The following FANCA variants were observed in gnomAD, a reference collection of about 807,000 sequenced individuals.
FANCA encodes the protein Fanconi anemia group A protein.
FANCA carries 236 observed loss-of-function variants against 194.3 expected under a neutral mutation model. That is an observed-to-expected ratio of 1.21 (90% CI 1.09 to 1.35). The LOEUF (loss-of-function observed/expected upper bound fraction) is 1.35, where lower values mean the gene tolerates loss of function less well. FANCA is among the 40% of genes most tolerant of loss of function. The pLI, the probability that FANCA is intolerant of heterozygous loss-of-function variation, is 0.00. For missense variants in FANCA, 2,628 were observed against 1,813.9 expected, an observed-to-expected ratio of 1.45 and a Z score of -8.15; for synonymous variants, 1,014 against 715.8, an observed-to-expected ratio of 1.42 and a Z score of -6.65.
chr16:89,816,359 A>T, intron 1 of FANCA, 178 bp downstream of exon 1: 1 of 348,864 alleles, frequency 2.9e-6, no homozygotes, highest in Non-Finnish European at 4.8e-6. Flanking sequence ...CAGGCGCAGG[A>T]GGGGCCGGGT....
chr16:89,783,566 C>G (rs1004401295), intron 15 of FANCA, among the ~76,000 whole-genome samples: 21 of 144,346 alleles, frequency 1.5e-4, no homozygotes, highest in African/African-American at 5.1e-4. Flanking sequence ...AAAAAAACAA[C>G]AAAAAAAAAA....
In FANCA at chr16:89,799,255, A is replaced by C. The variant is rs1437182519; in HGVS notation, c.827-23T>G. ...CAACTGAAGACAGAGCCAGGAACAG[A>C]AAACAGATGTCAGCACACGGCGGCA... On this transcript the variant is annotated intron_variant, in intron 9 of 42. Coordinates refer to ENST00000389301, the MANE Select transcript of FANCA (RefSeq NM_000135.4). 5 of 1,613,602 alleles carry C rather than the reference A, an allele frequency of 3.1e-6. No homozygotes were observed. In the African/African-American group the frequency reaches 6.7e-5, roughly 22 times the overall value.
At chr16:89,760,284 C>T (rs1209077886) in intron 29 of FANCA, among the ~76,000 whole-genome samples, 2 of 152,236 alleles carry the variant, frequency 1.3e-5, no homozygotes, top group Non-Finnish European at 2.9e-5. Context: ...CGACCTGAAC[C>T]ATCAGCACGT....
In FANCA at chr16:89,742,762, G is replaced by A. The variant is rs199981814; in HGVS notation, c.3765+38C>T. 4.4e-6 allele frequency: 7 copies of A among 1,606,832 alleles called. No homozygotes were observed. In the Middle Eastern group the frequency reaches 5.0e-4, roughly 115 times the overall value. ...AATAGCACTGATTGAAACCAAGCTT[G>A]CGAGAAAATAAATCAGTAAAAGAAT... On this transcript the variant is annotated intron_variant, in intron 37 of 42. Coordinates refer to ENST00000389301, the MANE Select transcript of FANCA (RefSeq NM_000135.4).
rs893264968 is a variant in FANCA at position 89,806,031 on chromosome 16, G to C, written c.597-639C>G. Among the ~76,000 whole-genome samples, 51 of 152,040 alleles carry C rather than the reference G, an allele frequency of 3.4e-4. 1 individual carries two copies. The highest frequency in any genetic ancestry group is 1.1e-3 in the African/African-American group (47 of 41,384). On this transcript the variant is annotated intron_variant, in intron 6 of 42. Coordinates refer to ENST00000389301, the MANE Select transcript of FANCA (RefSeq NM_000135.4). Reference sequence around the variant, plus strand: ...AAGTTCAAGCGATTCTCCTGCCTCAGCCTCCACAACGGCTGGGATTACAGG... The same window carrying C: ...AAGTTCAAGCGATTCTCCTGCCTCACCCTCCACAACGGCTGGGATTACAGG...
In FANCA at chr16:89,810,784, A is replaced by C. The variant is rs372814783; in HGVS notation, c.445T>G (p.Leu149Val). 2.4e-5 allele frequency: 39 copies of C among 1,613,164 alleles called. No individual in the cohort carries two copies. Among genetic ancestry groups the C allele is most frequent in the Non-Finnish European group, 3.1e-5 (37 of 1,179,166 alleles). Residue 149 changes from leucine (L) to valine (V), a missense_variant, in exon 5 of 43, where the codon TTA (leucine) becomes GTA (valine). Leu to Val is a conservative substitution (Grantham distance 32). Coordinates refer to ENST00000389301, the MANE Select transcript of FANCA (RefSeq NM_000135.4). ...VEQRKKLSSL[L>V]EFAQYLLAHS... is the part of the protein sequence containing the mutation. ...GCCAATAAATACTGAGCAAACTCTA[A>C]CAGGGAAGACAGCTTCTTCTGAAAA...
chr16:89,776,502 T>A (rs972404746), intron 20 of FANCA, among the ~76,000 whole-genome samples: 2 of 151,670 alleles, frequency 1.3e-5, no homozygotes, highest in Non-Finnish European at 2.9e-5. Context: ...TGATTAATAC[T>A]AAGAAAAACG....
At position 89,764,900 on chromosome 16, in the gene FANCA, T is replaced by G. The variant is rs769776712; in HGVS notation, c.2768A>C (p.Glu923Ala). ...GGAACGGTCACCTACGTGAACATCT[T>G]CCTCTTTCAACACCTCTCGGAAGGT... Reference protein sequence around the residue: ...HRTFREVLKEEDVHLTYQDWL... With the variant: ...HRTFREVLKEADVHLTYQDWL... The change falls in exon 28 of 43, where the codon GAA becomes GCA. Residue 923 changes from glutamate (E) to alanine (A), a missense_variant. Physicochemically the swap from Glu to Ala is moderately radical, Grantham distance 107. Coordinates refer to ENST00000389301, the MANE Select transcript of FANCA (RefSeq NM_000135.4). The G allele has an allele frequency of 1.2e-6, 2 of 1,614,010 alleles. No individual in the cohort carries two copies. Among genetic ancestry groups the G allele is most frequent in the Non-Finnish European group, 1.7e-6 (2 of 1,179,912 alleles).
chr16:89,779,807 G>A (rs2039639570), intron 18 of FANCA, 62 bp downstream of exon 18: 4 of 1,344,370 alleles, frequency 3.0e-6, no homozygotes, highest in African/African-American at 2.9e-5. Flanking sequence ...CATACTGCAG[G>A]CATCAGAGCG....
In FANCA at chr16:89,738,186, TGGGCCACCGAGCCCCTCTG is replaced by T; in HGVS notation, c.*396_*414del. The T allele has an allele frequency of 6.2e-7, 1 of 1,611,668 alleles. No individual in the cohort carries two copies. Among genetic ancestry groups the T allele is most frequent in the Non-Finnish European group, 8.5e-7 (1 of 1,179,416 alleles). ...TGCCCCTGGAGGCGGAACCACCACC[TGGGCCACCGAGCCCCTCTG>T]TGACCACAGAGGGCCAGGCGGTGAA... is the stretch of plus-strand genomic sequence containing the variant. On this transcript the variant is annotated 3_prime_UTR_variant, in exon 43 of 43. Coordinates refer to ENST00000389301, the MANE Select transcript of FANCA (RefSeq NM_000135.4).
chr16:89,748,635 G>C, intron 33 of FANCA, 24 bp downstream of exon 33: 1 of 1,574,478 alleles, frequency 6.4e-7, no homozygotes, highest in South Asian at 1.1e-5. Flanking sequence ...AGATCGGACG[G>C]ACACGTGCAC....
At chr16:89,765,552 G>A (rs1242862671) in intron 27 of FANCA, among the ~76,000 whole-genome samples, 6 of 152,268 alleles carry the variant, frequency 3.9e-5, no homozygotes, top group Non-Finnish European at 7.3e-5. Context: ...GCCTCCCAGG[G>A]GTAGGGCTGG....
At chr16:89,802,488 G>A (rs752007613) in intron 8 of FANCA, among the ~76,000 whole-genome samples, 16 of 152,058 alleles carry the variant, frequency 1.1e-4, no homozygotes, top group Non-Finnish European at 2.2e-4. Context: ...TGCAAGCTCC[G>A]CCTCCAGGTT....
In FANCA at chr16:89,746,847, GT is replaced by G; in HGVS notation, c.3391del (p.Thr1131LeufsTer9). 1 of 1,563,376 alleles carries G rather than the reference GT, an allele frequency of 6.4e-7. No individual in the cohort carries two copies. The highest frequency in any genetic ancestry group is 8.7e-7 in the Non-Finnish European group (1 of 1,152,726). ...GCATCTCACCCTGAAGAAGTGGGCA[GT>G]GATGTCCTGTGTCAGGGCACCTCCG... Reference protein sequence around the residue: ...SHGGALTQDITAHFFRGLLNA... With the variant: ...SHGGALTQDIXAHFFRGLLNA... On this transcript the variant is annotated frameshift_variant, in exon 34 of 43. Transcript: ENST00000389301. LOFTEE classifies it high-confidence loss of function.
intron 14 of FANCA, among the ~76,000 whole-genome samples, chr16:89,790,657 C>G (rs2040038744): frequency 6.6e-6 from 1 of 150,742 alleles, no homozygotes; most frequent in African/African-American, 2.4e-5. Flanking sequence ...TGAAACGGGG[C>G]AGCGGAGTTT....
chr16:89,799,261 G>A (rs891707911), intron 9 of FANCA, 29 bp from the exon 10 acceptor site: 3 of 1,613,346 alleles, frequency 1.9e-6, no homozygotes, highest in Non-Finnish European at 1.7e-6. Context: ...ACAGAAAACA[G>A]ATGTCAGCAC....
In FANCA at chr16:89,738,450, G is replaced by C. The variant is rs1490999653; in HGVS notation, c.*151C>G. 7.1e-7 allele frequency: 1 copy of C among 1,401,046 alleles called. No homozygotes were observed. Among genetic ancestry groups the C allele is most frequent in the East Asian group, 2.5e-5 (1 of 40,506 alleles). The allele number at this position is 1,401,046 out of a possible 1,614,324, so 86.8% of individuals were successfully genotyped here. ...TTCCCGCAAACGCTGAGTGACTCGG[G>C]GCCGGACAGTTCATAAATAATTGAT... On this transcript the variant is annotated 3_prime_UTR_variant, in exon 43 of 43. Transcript: ENST00000389301.
chr16:89,798,375 T>C (rs2040319162), intron 10 of FANCA: 1 of 1,047,272 alleles, frequency 9.5e-7, no homozygotes, highest in East Asian at 5.7e-5. Context: ...ACACAGTGCT[T>C]TATTCACTGT....
At chr16:89,762,140 A>G in intron 28 of FANCA, 118 bp from the exon 29 acceptor site, 1 of 815,582 alleles carries the variant, frequency 1.2e-6, no homozygotes, top group Non-Finnish European at 2.2e-6. Context: ...CCTGTGTTAT[A>G]ATGAAATTGC....
Sources: allele counts gnomAD v4.1 joint callset (sites outside exome capture counted in the v4.1 genomes callset), GRCh38; gene constraint gnomAD v4.1.1; transcripts MANE v1.5; gene names NCBI Gene and HGNC (gene_info 2026-07-23, HGNC 2026-07-21).